Variants in CD80 observed in about 807,000 individuals in gnomAD.
CD80 encodes T-lymphocyte activation antigen CD80.
CD80 carries 13 observed loss-of-function variants against 27.1 expected under a neutral mutation model. That is an observed-to-expected ratio of 0.48 (90% confidence interval 0.31 to 0.76). The LOEUF (loss-of-function observed/expected upper bound fraction) is 0.76, where lower values mean the gene tolerates loss of function less well. CD80 is among the 30% of genes least tolerant of loss of function. The pLI is 0.04. For synonymous variants in CD80, 125 were observed against 125.5 expected (o/e 1.00, Z 0.03); for missense variants, 277 against 347.9 (o/e 0.80, Z 1.62).
At chr3:119,537,476 G>T in intron 3 of CD80, 58 bp from the exon 4 acceptor site, 1 of 1,193,358 alleles carries the variant, frequency 8.4e-7, no homozygotes, top group Non-Finnish European at 1.2e-6. Flanking sequence ...GTGTGTAGAG[G>T]TTTATTTTTA....
chr3:119,540,406 G>A (rs2082161085), intron 3 of CD80, among the ~76,000 whole-genome samples: 2 of 152,110 alleles, frequency 1.3e-5, no homozygotes, highest in African/African-American at 4.8e-5. Context: ...TAATTGCCAG[G>A]AAAGAGGAAA....
At chr3:119,540,191 C>T (rs1346850586) in intron 3 of CD80, among the ~76,000 whole-genome samples, 1 of 152,180 alleles carries the variant, frequency 6.6e-6, no homozygotes, top group Non-Finnish European at 1.5e-5. Context: ...CCTCGTGATC[C>T]ACCAGCCTCG....
At chr3:119,537,747 A>G (rs748376705) in intron 3 of CD80, among the ~76,000 whole-genome samples, 11 of 152,368 alleles carry the variant, frequency 7.2e-5, no homozygotes, top group Non-Finnish European at 1.5e-4. Context: ...GATTGCAGTT[A>G]GCCGAGATCG....
At chr3:119,534,422 A>G (rs1577108005) in intron 4 of CD80, among the ~76,000 whole-genome samples, 1 of 152,048 alleles carries the variant, frequency 6.6e-6, no homozygotes, top group African/African-American at 2.4e-5. Context: ...TTGTTGGAAC[A>G]TAGCCATGTC....
intron 2 of CD80, among the ~76,000 whole-genome samples, chr3:119,547,954 T>G (rs1336367292): frequency 6.6e-6 from 1 of 151,964 alleles, no homozygotes; most frequent in Non-Finnish European, 1.5e-5. Context: ...TGAATCTCCA[T>G]AAGACGACAC....
chr3:119,526,602 A>G (rs1321389524), intron 6 of CD80, among the ~76,000 whole-genome samples: 1 of 152,142 alleles, frequency 6.6e-6, no homozygotes, highest in Non-Finnish European at 1.5e-5. Context: ...GTATGACCGT[A>G]CCTCAAGCAA....
chr3:119,556,657 C>T (rs1377778106), intron 2 of CD80, among the ~76,000 whole-genome samples: 1 of 152,222 alleles, frequency 6.6e-6, no homozygotes, highest in Non-Finnish European at 1.5e-5. Flanking sequence ...CTCCTCTTCT[C>T]TTCCCTCTAC....
At chr3:119,546,013 A>T (rs1479320307) in intron 2 of CD80, among the ~76,000 whole-genome samples, 1 of 152,250 alleles carries the variant, frequency 6.6e-6, no homozygotes, top group Admixed American at 6.5e-5. Context: ...ATGTGATTGC[A>T]TAAAAAACAA....
chr3:119,552,203 T>C (rs2082236511), intron 2 of CD80, among the ~76,000 whole-genome samples: 2 of 152,094 alleles, frequency 1.3e-5, no homozygotes, highest in African/African-American at 4.8e-5. Flanking sequence ...ATAATGGACC[T>C]CTCGGCCGGG....
chr3:119,527,468 A>G (rs752826773), intron 6 of CD80: 12 of 373,848 alleles, frequency 3.2e-5, no homozygotes, highest in Non-Finnish European at 4.8e-5. Context: ...GATGAACTCA[A>G]ATTAGTGTTT....
At chr3:119,537,058 T>G in intron 4 of CD80, 79 bp downstream of exon 4, 1 of 1,244,204 alleles carries the variant, frequency 8.0e-7, no homozygotes, top group Non-Finnish European at 1.1e-6. Flanking sequence ...TCAAAATGTA[T>G]CCACATCATT....
intron 6 of CD80, among the ~76,000 whole-genome samples, chr3:119,526,121 G>A (rs1418049176): frequency 6.6e-6 from 1 of 152,102 alleles, no homozygotes; most frequent in African/African-American, 2.4e-5. Flanking sequence ...ACGACCAAAT[G>A]CTTGATCAAG....
intron 1 of CD80, among the ~76,000 whole-genome samples, chr3:119,558,975 G>A (rs889156507): frequency 5.9e-5 from 9 of 152,132 alleles, no homozygotes; most frequent in African/African-American, 1.4e-4. Flanking sequence ...TTCCAGCCAC[G>A]CCATATTGTT....
Position 119,546,815 on chromosome 3 carries a change from AACACACAC to A in CD80, c.101-1956_101-1949del, listed in dbSNP as rs10661634. On this transcript the variant is annotated intron_variant, in intron 2 of 6. Transcript: ENST00000264246. Reference sequence around the variant, plus strand: ...TCTCCCCACAATCACGTGATGCAACAACACACACACACACACACACACACAGATATGCA... The same window carrying A: ...TCTCCCCACAATCACGTGATGCAACAACACACACACACACACAGATATGCA... Among the ~76,000 whole-genome samples, 442 of 149,366 alleles carry A rather than the reference AACACACAC, an allele frequency of 3.0e-3. 1 individual carries two copies. Among genetic ancestry groups the A allele is most frequent in the African/African-American group, 0.011 (429 of 40,688 alleles).
chr3:119,550,502 C>A (rs745618986), intron 2 of CD80, among the ~76,000 whole-genome samples: 2 of 152,192 alleles, frequency 1.3e-5, no homozygotes, highest in Non-Finnish European at 2.9e-5. Flanking sequence ...TTCCACCACA[C>A]AGAGACAGAA....
chr3:119,541,911 A>G (rs1328432747), intron 3 of CD80, among the ~76,000 whole-genome samples: 3 of 151,808 alleles, frequency 2.0e-5, no homozygotes, highest in African/African-American at 7.3e-5. Context: ...CCCCCTTGAA[A>G]TGTTTCCTTT....
At chr3:119,529,022 G>T (rs1334479079) in intron 5 of CD80, among the ~76,000 whole-genome samples, 4 of 149,854 alleles carry the variant, frequency 2.7e-5, no homozygotes, top group African/African-American at 9.7e-5. Context: ...GCTCACTGCA[G>T]TCTCCGCCTC....
intron 2 of CD80, among the ~76,000 whole-genome samples, chr3:119,556,102 T>A (rs1332937673): frequency 6.6e-6 from 1 of 152,232 alleles, no homozygotes; most frequent in African/African-American, 2.4e-5. Flanking sequence ...CCTCTTTGAG[T>A]GCAGGAATCC....
At chr3:119,534,286 C>T (rs1418343756) in intron 4 of CD80, among the ~76,000 whole-genome samples, 1 of 150,090 alleles carries the variant, frequency 6.7e-6, no homozygotes, top group African/African-American at 2.5e-5. Flanking sequence ...GCAGGAGAAT[C>T]GTTTGAACCT....
Sources: gnomAD v4.1 joint callset for allele counts (sites outside exome capture counted in the v4.1 genomes callset) on GRCh38, gnomAD v4.1.1 for gene constraint, MANE v1.5 for transcripts, NCBI Gene and HGNC (gene_info 2026-07-23, HGNC 2026-07-21) for gene names.